SOCS5: variants seen among roughly 807,000 people sequenced by gnomAD.
SOCS5 encodes CIS-6.
SOCS5 carries 32 observed loss-of-function variants against 42.8 expected under a neutral mutation model. That is an observed-to-expected ratio of 0.75 (90% CI 0.56 to 1.01). SOCS5 has a LOEUF of 1.01. Ranked by LOEUF, SOCS5 falls within the 50% of genes least tolerant of loss-of-function variation. The probability of loss-of-function intolerance (pLI) is 0.00; values close to 1 mark genes in which losing one functional copy is unlikely to be tolerated. For synonymous variants in SOCS5, 283 were observed against 229.6 expected, an observed-to-expected ratio of 1.23 and a Z score of -2.10; for missense variants, 627 against 653.0, an observed-to-expected ratio of 0.96 and a Z score of 0.43.
chr2:46,737,870 A>T (rs1673287206), intron 1 of SOCS5, among the ~76,000 whole-genome samples: 1 of 151,922 alleles, frequency 6.6e-6, no homozygotes, highest in Non-Finnish European at 1.5e-5. Flanking sequence ...AAAAAAAAAA[A>T]TTGGGATGTA....
At chr2:46,713,248 C>T (rs1330005603) in intron 1 of SOCS5, among the ~76,000 whole-genome samples, 1 of 152,088 alleles carries the variant, frequency 6.6e-6, no homozygotes, top group Non-Finnish European at 1.5e-5. Context: ...TTCAGCTACT[C>T]AGGAGGTTGA....
At position 46,758,852 on chromosome 2, in the gene SOCS5, C is replaced by T. The variant is rs758847494; in HGVS notation, c.322C>T (p.Leu108Phe). Reference protein sequence around the residue: ...NDSCVTPGTRLARRDSYSRHA... With the variant: ...NDSCVTPGTRFARRDSYSRHA... ...TTCTTGTGTTACCCCAGGAACAAGA[C>T]TTGCACGAAGAGATTCCTACTCTCG... The change falls in exon 2 of 2, where the codon CTT becomes TTT. Residue 108 changes from leucine to phenylalanine, a missense_variant. This residue lies in a region of SOCS5 where 278 missense variants were observed against 246.3 expected (regional missense o/e 1.13). Transcript: ENST00000394861. 1.4e-5 allele frequency: 23 copies of T among 1,613,818 alleles called. No homozygotes were observed. The highest frequency in any genetic ancestry group is 1.9e-5 in the Non-Finnish European group (23 of 1,179,838).
At chr2:46,748,315 C>T (rs1057371446) in intron 1 of SOCS5, among the ~76,000 whole-genome samples, 7 of 151,484 alleles carry the variant, frequency 4.6e-5, no homozygotes, top group Admixed American at 6.6e-5. Flanking sequence ...CCTCATGAGT[C>T]GCTGGGACCA....
At position 46,730,643 on chromosome 2, in the gene SOCS5, A is replaced by G. The variant is rs150081680; in HGVS notation, c.-12-27876A>G. ...ATATTTGGAGAATGGGTCCTATTTC[A>G]TACAATTTTTTCCCATGAAATATTA... On this transcript the variant is annotated intron_variant, in intron 1 of 1. Coordinates refer to ENST00000394861, the MANE Select transcript of SOCS5 (RefSeq NM_144949.3). Among the ~76,000 whole-genome samples the G allele has an allele frequency of 7.7e-3, 1,171 of 152,336 alleles. 4 individuals carry two copies. The highest frequency in any genetic ancestry group is 0.012 in the Non-Finnish European group (850 of 68,022).
chr2:46,702,875 G>A (rs927465314), intron 1 of SOCS5, among the ~76,000 whole-genome samples: 12 of 152,068 alleles, frequency 7.9e-5, no homozygotes, highest in South Asian at 2.1e-4. Flanking sequence ...AATTTCTCTT[G>A]GTGTTCTGTG....
chr2:46,743,251 A>G (rs996137990), intron 1 of SOCS5, among the ~76,000 whole-genome samples: 16 of 152,170 alleles, frequency 1.1e-4, no homozygotes, highest in African/African-American at 3.9e-4. Context: ...GGGTGAGTCC[A>G]TAGAGTAAAG....
Position 46,760,229 on chromosome 2 carries a change from G to C in SOCS5, c.*88G>C. The C allele has an allele frequency of 2.1e-6, 2 of 938,760 alleles. No homozygotes were observed. Among genetic ancestry groups the C allele is most frequent in the Non-Finnish European group, 3.3e-6 (2 of 610,190 alleles). 58.2% of individuals were successfully genotyped at this position (938,760 alleles called of 1,614,324 possible). On this transcript the variant is annotated 3_prime_UTR_variant, in exon 2 of 2. Coordinates refer to ENST00000394861, the MANE Select transcript of SOCS5 (RefSeq NM_144949.3). The stretch of plus-strand genomic sequence containing the variant: ...ATAGCAAGCACACGTAGCAGTGTTA[G>C]GCTTTTTCATACAGTATGTAAGCTT...
intron 1 of SOCS5, among the ~76,000 whole-genome samples, chr2:46,717,497 C>T (rs1271795919): frequency 6.6e-6 from 1 of 152,142 alleles, no homozygotes; most frequent in South Asian, 2.1e-4. Context: ...TAAGGATATT[C>T]ATGCCAGATA....
At chr2:46,747,999 A>G (rs1673541682) in intron 1 of SOCS5, among the ~76,000 whole-genome samples, 1 of 152,158 alleles carries the variant, frequency 6.6e-6, no homozygotes, top group Non-Finnish European at 1.5e-5. Flanking sequence ...GCTAATTGGT[A>G]AAACCAAAAC....
At chr2:46,753,485 T>C (rs2103758866) in intron 1 of SOCS5, among the ~76,000 whole-genome samples, 1 of 152,312 alleles carries the variant, frequency 6.6e-6, no homozygotes, top group South Asian at 2.1e-4. Context: ...AGAATATAAC[T>C]ATGTTCATTT....
chr2:46,717,909 C>G (rs1672785950), intron 1 of SOCS5, among the ~76,000 whole-genome samples: 1 of 152,164 alleles, frequency 6.6e-6, no homozygotes, highest in African/African-American at 2.4e-5. Context: ...TTTCACTGGT[C>G]TGATGGAGTA....
At chr2:46,705,147 C>T (rs1672434054) in intron 1 of SOCS5, among the ~76,000 whole-genome samples, 1 of 152,196 alleles carries the variant, frequency 6.6e-6, no homozygotes, top group Non-Finnish European at 1.5e-5. Flanking sequence ...AACACTTTTA[C>T]TTACTTTACA....
intron 1 of SOCS5, among the ~76,000 whole-genome samples, chr2:46,756,814 C>A (rs774672425): frequency 6.6e-6 from 1 of 151,950 alleles, no homozygotes. Context: ...GGGCAAGGAA[C>A]GGAAATCTTA....
At chr2:46,746,879 A>G (rs1017435664) in intron 1 of SOCS5, among the ~76,000 whole-genome samples, 7 of 145,830 alleles carry the variant, frequency 4.8e-5, no homozygotes, top group African/African-American at 1.8e-4. Context: ...TCATCAGAAA[A>G]TGGAGTTTTA....
At position 46,759,730 on chromosome 2, in the gene SOCS5, A is replaced by G. The variant is rs750524909; in HGVS notation, c.1200A>G (p.Glu400=). 6.2e-7 allele frequency: 1 copy of G among 1,614,162 alleles called. No individual in the cohort carries two copies. The highest frequency in any genetic ancestry group is 8.5e-7 in the Non-Finnish European group (1 of 1,180,016). ...AAGCCCTTCTCGAAGGGAAACCTGA[A>G]GGCACGTTTTTGCTCAGGGACTCTG... ...EAEALLEGKP[E]GTFLLRDSAQ... The change falls in exon 2 of 2, where the codon GAA becomes GAG. Residue 400 remains glutamate, a synonymous_variant. Transcript: ENST00000394861.
At chr2:46,702,518 C>G (rs1001247542) in intron 1 of SOCS5, among the ~76,000 whole-genome samples, 2 of 152,148 alleles carry the variant, frequency 1.3e-5, no homozygotes, top group African/African-American at 2.4e-5. Context: ...AAATACAGTA[C>G]TAGAGTACTA....
At chr2:46,710,430 C>T (rs1463813115) in intron 1 of SOCS5, among the ~76,000 whole-genome samples, 2 of 152,192 alleles carry the variant, frequency 1.3e-5, no homozygotes, top group Admixed American at 6.5e-5. Context: ...CAGGTGTGAG[C>T]CGCAGTGCCT....
At position 46,759,769 on chromosome 2, in the gene SOCS5, C is replaced by T. The variant is rs946874184; in HGVS notation, c.1239C>T (p.Tyr413=). 6.2e-6 allele frequency: 10 copies of T among 1,614,032 alleles called. No homozygotes were observed. The Admixed American group carries it at 8.3e-5, about 13-fold the overall frequency. ...FLLRDSAQED[Y]LFSVSFRRYN... is the part of the protein sequence containing the mutation. ...TCAGGGACTCTGCGCAAGAGGACTA[C>T]CTCTTCTCTGTGAGCTTCCGCCGCT... Residue 413 remains tyrosine, a synonymous_variant, in exon 2 of 2, where the codon TAC becomes TAT. Coordinates refer to ENST00000394861, the MANE Select transcript of SOCS5 (RefSeq NM_144949.3).
At chr2:46,718,391 A>G (rs961438035) in intron 1 of SOCS5, among the ~76,000 whole-genome samples, 2 of 152,072 alleles carry the variant, frequency 1.3e-5, no homozygotes, top group East Asian at 3.8e-4. Flanking sequence ...CTATGGCTTT[A>G]TTTTTAAAAA....
Sources: allele counts gnomAD v4.1 joint callset (sites outside exome capture counted in the v4.1 genomes callset), GRCh38; gene constraint gnomAD v4.1.1; regional missense constraint gnomAD v4.1.1; transcripts MANE v1.5; gene names NCBI Gene and HGNC (gene_info 2026-07-23, HGNC 2026-07-21).